Variants in MINDY3 observed in about 807,000 individuals in gnomAD.
MINDY3 encodes the protein ubiquitin carboxyl-terminal hydrolase MINDY-3.
MINDY3 carries 38 observed loss-of-function variants against 69.2 expected under a neutral mutation model. The ratio of observed to expected loss-of-function variants is 0.55; its 90% confidence interval spans 0.42 to 0.72. The LOEUF (loss-of-function observed/expected upper bound fraction) is 0.72, where lower values mean the gene tolerates loss of function less well. MINDY3 is among the 30% of genes least tolerant of loss of function. The pLI is 0.00. For synonymous variants in MINDY3, 192 were observed against 180.1 expected, an observed-to-expected ratio of 1.07 and a Z score of -0.53; for missense variants, 522 against 519.0, an observed-to-expected ratio of 1.01 and a Z score of -0.06.
At chr10:15,845,884 G>A (rs1046508870) in intron 2 of MINDY3, among the ~76,000 whole-genome samples, 12 of 142,902 alleles carry the variant, frequency 8.4e-5, no homozygotes, top group South Asian at 2.3e-4. Flanking sequence ...GTGCAGTGGC[G>A]TGATCTCGGC....
At chr10:15,803,451 GGTATAACTGCC>G (rs1233852286) in intron 10 of MINDY3, among the ~76,000 whole-genome samples, 9 of 152,052 alleles carry the variant, frequency 5.9e-5, no homozygotes, top group Admixed American at 5.9e-4. Context: ...ACACTTCAGA[GGTATAACTGCC>G]GTATTTTTCT....
intron 7 of MINDY3, among the ~76,000 whole-genome samples, chr10:15,833,981 A>G (rs1004528422): frequency 3.3e-5 from 5 of 152,088 alleles, no homozygotes; most frequent in Non-Finnish European, 7.4e-5. Context: ...ATGACAGACT[A>G]ATAAGTTACT....
At chr10:15,845,032 C>T (rs1833730213) in intron 2 of MINDY3, among the ~76,000 whole-genome samples, 1 of 151,284 alleles carries the variant, frequency 6.6e-6, no homozygotes, top group Admixed American at 6.6e-5. Flanking sequence ...AGACAATATC[C>T]CTTTATTGCT....
At chr10:15,816,954 T>A (rs1371723210) in intron 9 of MINDY3, 39 bp from the exon 10 acceptor site, 4 of 1,427,212 alleles carry the variant, frequency 2.8e-6, no homozygotes. Flanking sequence ...ATAAACAAAT[T>A]AAAAATTTAT....
chr10:15,843,966 C>T (rs1170991647), intron 2 of MINDY3, among the ~76,000 whole-genome samples: 1 of 152,098 alleles, frequency 6.6e-6, no homozygotes, highest in Non-Finnish European at 1.5e-5. Context: ...CTCTAGAGGG[C>T]AGGTCCAAGA....
chr10:15,821,523 G>A (rs980090140), intron 9 of MINDY3, 133 bp downstream of exon 9: 5 of 592,882 alleles, frequency 8.4e-6, no homozygotes, highest in African/African-American at 1.9e-5. Flanking sequence ...TAGGGTGGGG[G>A]ATAGGAAGGA....
intron 13 of MINDY3, among the ~76,000 whole-genome samples, chr10:15,786,040 C>A (rs1836932704): frequency 6.6e-6 from 1 of 152,108 alleles, no homozygotes; most frequent in East Asian, 1.9e-4. Context: ...AGATACAACT[C>A]AAAAACATTC....
intron 10 of MINDY3, among the ~76,000 whole-genome samples, chr10:15,808,066 T>A (rs1259660276): frequency 2.6e-5 from 4 of 152,176 alleles, no homozygotes; most frequent in Non-Finnish European, 5.9e-5. Flanking sequence ...AAAATTTACA[T>A]ACTTGTAATA....
chr10:15,827,311 G>T (rs900611616), intron 8 of MINDY3, among the ~76,000 whole-genome samples: 2 of 151,976 alleles, frequency 1.3e-5, no homozygotes, highest in Non-Finnish European at 2.9e-5. Context: ...GAAGGCCGAG[G>T]TTGACGGATC....
At chr10:15,818,815 G>A (rs991202785) in intron 9 of MINDY3, among the ~76,000 whole-genome samples, 3 of 152,142 alleles carry the variant, frequency 2.0e-5, no homozygotes, top group Non-Finnish European at 4.4e-5. Flanking sequence ...CAAGAGTAGT[G>A]GTTTCCAGGG....
chr10:15,837,332 A>G lies in MINDY3; in HGVS notation c.462-14T>C. 1.9e-6 allele frequency: 3 copies of G among 1,541,810 alleles called. No homozygotes were observed. Among genetic ancestry groups the G allele is most frequent in the Non-Finnish European group, 2.7e-6 (3 of 1,128,016 alleles). ...AACGATCTTTTTCTGGGGGAAAAAA[A>G]GAATTAAGTATTGGTATCATGATGA... On this transcript the variant is annotated splice_polypyrimidine_tract_variant and intron_variant, in intron 5 of 14. Transcript: ENST00000277632.
chr10:15,820,841 C>G (rs1057467330), intron 9 of MINDY3, among the ~76,000 whole-genome samples: 1 of 152,184 alleles, frequency 6.6e-6, no homozygotes, highest in Admixed American at 6.5e-5. Flanking sequence ...GCCTTAGGCT[C>G]ATGCCTGTAA....
chr10:15,811,933 A>C (rs987449756), intron 10 of MINDY3, among the ~76,000 whole-genome samples: 1 of 151,856 alleles, frequency 6.6e-6, no homozygotes, highest in Non-Finnish European at 1.5e-5. Flanking sequence ...TCATTTTTTA[A>C]ATTTTTTTAT....
In MINDY3 at chr10:15,821,715, T is replaced by C. The variant is rs1839777947; in HGVS notation, c.742A>G (p.Ile248Val). The change falls in exon 9 of 15, where the codon ATA becomes GTA. Residue 248 changes from isoleucine to valine, a missense_variant. Transcript: ENST00000277632. ...AATCCTACTGCTGCTTGTTCATGTA[T>C]ACCAAGAAGTTCTGCAAAAAACAAC... ...RECSGMKLLG[I>V]HEQAAVGFLT... 6.2e-7 allele frequency: 1 copy of C among 1,611,826 alleles called. No homozygotes were observed. Among genetic ancestry groups the C allele is most frequent in the Non-Finnish European group, 8.5e-7 (1 of 1,179,266 alleles).
At chr10:15,831,663 G>A (rs890937232) in intron 8 of MINDY3, among the ~76,000 whole-genome samples, 1 of 149,112 alleles carries the variant, frequency 6.7e-6, no homozygotes, top group Non-Finnish European at 1.5e-5. Context: ...TGCCTAAGGA[G>A]CCTCCTTTTC....
At position 15,860,217 on chromosome 10, in the gene MINDY3, C is replaced by A; in HGVS notation, c.83G>T (p.Arg28Leu). The A allele has an allele frequency of 6.2e-7, 1 of 1,608,046 alleles. No homozygotes were observed. Among genetic ancestry groups the A allele is most frequent in the Non-Finnish European group, 8.5e-7 (1 of 1,177,252 alleles). Residue 28 changes from arginine to leucine, a missense_variant, in exon 1 of 15, where the codon CGC becomes CTC. Coordinates refer to ENST00000277632, the MANE Select transcript of MINDY3 (RefSeq NM_024948.4). ...CCCCGCCAGGGTACCTTGCGTCCAG[C>A]GGCAGAAAATGGTGTCCGAGAGACC... Reference protein sequence around the residue: ...SPGLSDTIFCRWTQGFVFSES... With the variant: ...SPGLSDTIFCLWTQGFVFSES...
At chr10:15,797,191 C>T (rs1334278962) in intron 10 of MINDY3, among the ~76,000 whole-genome samples, 1 of 151,986 alleles carries the variant, frequency 6.6e-6, no homozygotes, top group Non-Finnish European at 1.5e-5. Flanking sequence ...TCTAACTGAG[C>T]CATGAGGACT....
intron 9 of MINDY3, among the ~76,000 whole-genome samples, chr10:15,818,359 A>C (rs1839520405): frequency 6.6e-6 from 1 of 152,140 alleles, no homozygotes; most frequent in African/African-American, 2.4e-5. Flanking sequence ...ATCAAAGAAT[A>C]AATGAATGCT....
At chr10:15,800,622 T>C (rs1564470540) in intron 10 of MINDY3, among the ~76,000 whole-genome samples, 1 of 151,860 alleles carries the variant, frequency 6.6e-6, no homozygotes, top group Admixed American at 6.6e-5. Context: ...CCATATGAAG[T>C]GCCACTAGTG....
Sources: gnomAD v4.1 joint callset for allele counts (sites outside exome capture counted in the v4.1 genomes callset) on GRCh38, gnomAD v4.1.1 for gene constraint, MANE v1.5 for transcripts, NCBI Gene and HGNC (gene_info 2026-07-23, HGNC 2026-07-21) for gene names.